The following HORMAD2 variants were observed in gnomAD, a reference collection of about 807,000 sequenced individuals.
HORMAD2 encodes HORMA domain-containing protein 2.
A neutral mutation model predicts 38.8 loss-of-function variants in HORMAD2; 45 were observed. That is an observed-to-expected ratio of 1.16 (90% CI 0.91 to 1.49). The LOEUF is 1.49. Ranked by LOEUF, HORMAD2 falls within the 40% of genes most tolerant of loss-of-function variation. The probability of loss-of-function intolerance (pLI) is 0.00; values close to 1 mark genes in which losing one functional copy is unlikely to be tolerated. For synonymous variants in HORMAD2, 126 were observed against 122.8 expected, an observed-to-expected ratio of 1.03 and a Z score of -0.17; for missense variants, 338 against 367.0, an observed-to-expected ratio of 0.92 and a Z score of 0.65.
rs755168187 is a variant in HORMAD2 at position 30,121,734 on chromosome 22, T to C, written c.513T>C (p.Leu171=). 2 of 1,612,640 alleles carry C rather than the reference T, an allele frequency of 1.2e-6. No homozygotes were observed. The highest frequency in any genetic ancestry group is 1.1e-5 in the South Asian group (1 of 90,766). ...AATTGTATATACTGATGCAGGACCT[T>C]GAGCCACTTCCTAATAATGTTGTAC... ...IRKLYILMQD[L]EPLPNNVVLT... Residue 171 remains leucine, a synonymous_variant, in exon 9 of 11, where the codon CTT becomes CTC. Coordinates refer to ENST00000336726, the MANE Select transcript of HORMAD2 (RefSeq NM_152510.4).
intron 3 of HORMAD2, among the ~76,000 whole-genome samples, chr22:30,103,026 T>C (rs936978375): frequency 3.3e-5 from 5 of 152,172 alleles, no homozygotes; most frequent in Non-Finnish European, 5.9e-5. Context: ...CGTGTGAAAT[T>C]TTTTATTCCT....
intron 7 of HORMAD2, among the ~76,000 whole-genome samples, chr22:30,118,015 T>G (rs1330988493): frequency 2.0e-5 from 3 of 152,174 alleles, no homozygotes; most frequent in African/African-American, 7.2e-5. Flanking sequence ...CATTATAGTC[T>G]TCCCTGAATT....
At chr22:30,133,965 G>A (rs1200036402) in intron 10 of HORMAD2, among the ~76,000 whole-genome samples, 1 of 152,124 alleles carries the variant, frequency 6.6e-6, no homozygotes, top group African/African-American at 2.4e-5. Context: ...CACTACCTAG[G>A]TGTGCTTTTT....
At chr22:30,195,391 G>A in the HORMAD2 span, among the ~76,000 whole-genome samples, 6 of 152,172 alleles carry the variant, frequency 3.9e-5, no homozygotes, top group South Asian at 6.2e-4. Flanking sequence ...TATCTGAACC[G>A]CTATGTCAGG....
downstream of HORMAD2, chr22:30,177,188 A>G (rs1042980062): frequency 1.3e-5 from 2 of 152,308 alleles, no homozygotes; most frequent in Non-Finnish European, 2.9e-5. Flanking sequence ...AGTGCTTGTT[A>G]AAATATGGAT....
At chr22:30,175,245 A>AATATAATATAGAATATATATAATAATAT (rs1491475063) in intron 10 of HORMAD2, among the ~76,000 whole-genome samples, 19 of 142,592 alleles carry the variant, frequency 1.3e-4, no homozygotes, top group Non-Finnish European at 2.3e-4. Context: ...TATTATATAT[A>AATATAATATAGAATATATATAATAATAT]ATATAATATA....
the HORMAD2 span, among the ~76,000 whole-genome samples, chr22:30,203,106 A>T: frequency 1.3e-5 from 2 of 152,128 alleles, no homozygotes; most frequent in African/African-American, 4.8e-5. Flanking sequence ...AGACAAATAC[A>T]CTATTTAAAA....
chr22:30,190,866 A>G, the HORMAD2 span, among the ~76,000 whole-genome samples: 885 of 152,336 alleles, frequency 5.8e-3, 12 homozygotes, highest in African/African-American at 0.02. Flanking sequence ...TGAATGTCCT[A>G]TCGTGGAGGA....
At chr22:30,087,608 C>T (rs2068592748) in intron 1 of HORMAD2, among the ~76,000 whole-genome samples, 1 of 151,730 alleles carries the variant, frequency 6.6e-6, no homozygotes, top group Admixed American at 6.6e-5. Flanking sequence ...GTACAGAAAG[C>T]ATGGTAGCAT....
At chr22:30,194,515 G>A in the HORMAD2 span, among the ~76,000 whole-genome samples, 1 of 152,082 alleles carries the variant, frequency 6.6e-6, no homozygotes, top group Admixed American at 6.5e-5. Context: ...AACAATGAGG[G>A]GTGATTAGAA....
chr22:30,205,006 G>T, the HORMAD2 span, among the ~76,000 whole-genome samples: 1 of 152,142 alleles, frequency 6.6e-6, no homozygotes, highest in Non-Finnish European at 1.5e-5. Context: ...GCTCAAACAT[G>T]GAAATGTGGT....
At chr22:30,169,363 A>T (rs1044631093) in intron 10 of HORMAD2, among the ~76,000 whole-genome samples, 1 of 152,226 alleles carries the variant, frequency 6.6e-6, no homozygotes, top group African/African-American at 2.4e-5. Flanking sequence ...AAAAAAATTT[A>T]TCAAATAAAT....
chr22:30,162,435 A>T (rs1445653771), intron 10 of HORMAD2, among the ~76,000 whole-genome samples: 1 of 152,200 alleles, frequency 6.6e-6, no homozygotes, highest in African/African-American at 2.4e-5. Context: ...AAATGTAGGT[A>T]TAAAATATAC....
At chr22:30,128,423 A>G (rs1427496946) in intron 10 of HORMAD2, among the ~76,000 whole-genome samples, 3 of 151,892 alleles carry the variant, frequency 2.0e-5, no homozygotes, top group Non-Finnish European at 4.4e-5. Flanking sequence ...TTCCACTTTA[A>G]TCTTTATATT....
At chr22:30,114,257 T>C (rs560525338) in intron 7 of HORMAD2, among the ~76,000 whole-genome samples, 36 of 152,300 alleles carry the variant, frequency 2.4e-4, no homozygotes, top group African/African-American at 6.5e-4. Flanking sequence ...CCCTTATGGG[T>C]AGATAGTGAT....
Position 30,093,890 on chromosome 22 carries a change from CTAAT to C in HORMAD2, c.-37-15_-37-12del, listed in dbSNP as rs373961716. On this transcript the variant is annotated intron_variant, in intron 1 of 10. Transcript: ENST00000336726. ...GGAAGCATTATATTTGGCAAGGTCT[CTAAT>C]TAATTAATTATTTTTTAATAGGTTG... 3,490 of 1,173,606 alleles carry C rather than the reference CTAAT, an allele frequency of 3.0e-3. 13 individuals are homozygous for C. Among genetic ancestry groups the C allele is most frequent in the Non-Finnish European group, 2.6e-3 (2,150 of 818,930 alleles). The allele number at this position is 1,173,606 out of a possible 1,614,324, so 72.7% of individuals were successfully genotyped here. A position where few individuals can be genotyped will look rare whatever the true frequency, so the allele number is the denominator to read the frequency against.
At chr22:30,149,260 A>G (rs1924604996) in intron 10 of HORMAD2, among the ~76,000 whole-genome samples, 1 of 152,168 alleles carries the variant, frequency 6.6e-6, no homozygotes, top group African/African-American at 2.4e-5. Flanking sequence ...TTATTCCTAA[A>G]TCAATTCCAA....
chr22:30,162,435 A>G (rs1445653771), intron 10 of HORMAD2, among the ~76,000 whole-genome samples: 1 of 152,200 alleles, frequency 6.6e-6, no homozygotes, highest in Non-Finnish European at 1.5e-5. Flanking sequence ...AAATGTAGGT[A>G]TAAAATATAC....
intron 10 of HORMAD2, among the ~76,000 whole-genome samples, chr22:30,142,121 A>C (rs930881118): frequency 4.6e-5 from 7 of 151,926 alleles, no homozygotes; most frequent in African/African-American, 1.2e-4. Context: ...ACCAACCAAC[A>C]AACAAAAACC....
Sources: allele counts gnomAD v4.1 joint callset (sites outside exome capture counted in the v4.1 genomes callset), GRCh38; gene constraint gnomAD v4.1.1; transcripts MANE v1.5; gene names NCBI Gene and HGNC (gene_info 2026-07-23, HGNC 2026-07-21).